Variants in SDK1 observed in about 807,000 individuals in gnomAD.
SDK1 encodes sidekick cell adhesion molecule 1.
A neutral mutation model predicts 245.5 loss-of-function variants in SDK1; 157 were observed. That is an observed-to-expected ratio of 0.64 (90% CI 0.56 to 0.73). The LOEUF is 0.73. Ranked by LOEUF, SDK1 falls within the 30% of genes least tolerant of loss-of-function variation. The probability of loss-of-function intolerance (pLI) is 0.00; values close to 1 mark genes in which losing one functional copy is unlikely to be tolerated. For missense variants in SDK1, 3,583 were observed against 3,002.3 expected (o/e 1.19, Z -4.52); for synonymous variants, 1,647 against 1,278.5 (o/e 1.29, Z -6.15).
chr7:4,051,063 ATGTT>A (rs1285982141), intron 18 of SDK1, among the ~76,000 whole-genome samples: 1 of 140,924 alleles, frequency 7.1e-6, no homozygotes, highest in Non-Finnish European at 1.5e-5. Context: ...ATACATATAT[ATGTT>A]ATGTATGTTA....
intron 4 of SDK1, among the ~76,000 whole-genome samples, chr7:3,706,660 C>T (rs1443497924): frequency 2.6e-5 from 4 of 152,146 alleles, no homozygotes; most frequent in Admixed American, 6.5e-5. Flanking sequence ...CTTTGGCCTC[C>T]CAAAGTGCTG....
chr7:3,583,760 G>C (rs965624575), intron 1 of SDK1, among the ~76,000 whole-genome samples: 14 of 152,152 alleles, frequency 9.2e-5, no homozygotes, highest in African/African-American at 3.1e-4. Flanking sequence ...GCGTCCACCT[G>C]CTTGCAGGGT....
chr7:3,715,284 G>C (rs1430005728), intron 4 of SDK1, among the ~76,000 whole-genome samples: 1 of 151,940 alleles, frequency 6.6e-6, no homozygotes, highest in Non-Finnish European at 1.5e-5. Context: ...ATAAATTCAT[G>C]TATGTATCCA....
chr7:3,896,066 G>A (rs1358158281), intron 5 of SDK1, among the ~76,000 whole-genome samples: 1 of 152,052 alleles, frequency 6.6e-6, no homozygotes, highest in East Asian at 1.9e-4. Context: ...TGGGTGGAGT[G>A]TTCTGTAAAT....
At chr7:4,207,239 G>A (rs898727788) in intron 36 of SDK1, among the ~76,000 whole-genome samples, 3 of 152,202 alleles carry the variant, frequency 2.0e-5, no homozygotes, top group Non-Finnish European at 2.9e-5. Context: ...CGAAGCCTCC[G>A]TGCTGCCTTT....
chr7:3,654,219 C>T (rs987622510), intron 4 of SDK1, among the ~76,000 whole-genome samples: 4 of 152,122 alleles, frequency 2.6e-5, no homozygotes, highest in South Asian at 2.1e-4. Flanking sequence ...AAGTTCTTTT[C>T]GTTGTTGTTC....
At chr7:3,527,564 G>C (rs1481842453) in intron 1 of SDK1, among the ~76,000 whole-genome samples, 1 of 152,198 alleles carries the variant, frequency 6.6e-6, no homozygotes, top group Non-Finnish European at 1.5e-5. Context: ...AGTGGTAGGA[G>C]TTGAGGCTGG....
intron 28 of SDK1, among the ~76,000 whole-genome samples, chr7:4,139,489 A>ATATG (rs1554358601): frequency 1.4e-5 from 1 of 69,606 alleles, no homozygotes; most frequent in African/African-American, 6.1e-5. Flanking sequence ...ATGTGTGTGT[A>ATATG]TATATGTGTG....
intron 4 of SDK1, among the ~76,000 whole-genome samples, chr7:3,700,958 A>G (rs1784721083): frequency 1.3e-5 from 2 of 152,168 alleles, no homozygotes; most frequent in African/African-American, 4.8e-5. Context: ...AGAGTAAAGA[A>G]AAAAAATGTG....
At chr7:4,009,548 C>A (rs1175758766) in intron 14 of SDK1, among the ~76,000 whole-genome samples, 1 of 152,252 alleles carries the variant, frequency 6.6e-6, no homozygotes, top group African/African-American at 2.4e-5. Context: ...GGGGGATCCT[C>A]ATCAGCTGCC....
chr7:4,110,836 G>A, intron 23 of SDK1, 64 bp downstream of exon 23: 2 of 1,088,282 alleles, frequency 1.8e-6, no homozygotes, highest in South Asian at 1.3e-5. Flanking sequence ...GGTGCCTTCT[G>A]TTGGCAATAG....
At chr7:3,340,512 C>T (rs574187386) in intron 1 of SDK1, among the ~76,000 whole-genome samples, 2 of 152,162 alleles carry the variant, frequency 1.3e-5, no homozygotes, top group African/African-American at 4.8e-5. Flanking sequence ...CCTGTAATCC[C>T]AGCACTTTGG....
At chr7:4,107,111 CAGGGTGGGGAGGGTGGGG>C (rs545680435) in intron 22 of SDK1, among the ~76,000 whole-genome samples, 1,843 of 31,222 alleles carry the variant, frequency 0.059, 39 homozygotes, top group East Asian at 0.13. Context: ...TACACACATC[CAGGGTGGGGAGGGTGGGG>C]AGGGTGGGGA....
intron 1 of SDK1, among the ~76,000 whole-genome samples, chr7:3,405,197 C>G (rs1210855855): frequency 2.6e-5 from 4 of 151,670 alleles, no homozygotes; most frequent in Non-Finnish European, 5.9e-5. Flanking sequence ...AAACACTTTC[C>G]TTAATCTTGG....
At position 4,268,488 on chromosome 7, in the gene SDK1, CGAG is replaced by C; in HGVS notation, c.*3106_*3108del. The C allele has an allele frequency of 4.3e-6, 5 of 1,175,520 alleles. No individual in the cohort carries two copies. The South Asian group carries it at 4.8e-5, about 11-fold the overall frequency. 72.8% of individuals were successfully genotyped at this position (1,175,520 alleles called of 1,614,324 possible). ...TTCACTCAATGCTGTAGCCAAAAAACGAGGGGCCCCAGGGAGAGGGGACCCAGA... is the reference window on the plus strand; with the variant it reads ...TTCACTCAATGCTGTAGCCAAAAAACGGGCCCCAGGGAGAGGGGACCCAGA... On this transcript the variant is annotated 3_prime_UTR_variant, in exon 45 of 45. Transcript: ENST00000404826.
intron 8 of SDK1, among the ~76,000 whole-genome samples, chr7:3,960,640 G>A (rs1188746804): frequency 6.6e-6 from 1 of 152,214 alleles, no homozygotes; most frequent in African/African-American, 2.4e-5. Context: ...ACTTGGTTCA[G>A]TAGGAGTTCT....
chr7:4,149,851 G>A (rs1313654215), intron 30 of SDK1, among the ~76,000 whole-genome samples: 1 of 152,152 alleles, frequency 6.6e-6, no homozygotes, highest in Non-Finnish European at 1.5e-5. Flanking sequence ...GGGTGTCCAG[G>A]GCTGGAGGGA....
intron 1 of SDK1, among the ~76,000 whole-genome samples, chr7:3,465,687 C>T (rs1294847054): frequency 6.6e-6 from 1 of 152,128 alleles, no homozygotes; most frequent in Non-Finnish European, 1.5e-5. Context: ...TCTCTTGTCA[C>T]CTCCGTATAT....
intron 9 of SDK1, among the ~76,000 whole-genome samples, chr7:3,965,501 G>GT (rs932334674): frequency 1.3e-5 from 2 of 152,278 alleles, no homozygotes; most frequent in South Asian, 2.1e-4. Flanking sequence ...TGCAAAATGA[G>GT]TTTTTTAATT....
Sources: allele counts gnomAD v4.1 joint callset (sites outside exome capture counted in the v4.1 genomes callset), GRCh38; gene constraint gnomAD v4.1.1; transcripts MANE v1.5; gene names NCBI Gene and HGNC (gene_info 2026-07-23, HGNC 2026-07-21).